The following LOXL4 variants were observed in gnomAD, a reference collection of about 807,000 sequenced individuals.
The protein encoded by LOXL4 is lysyl oxidase like 4.
Under a neutral mutation model 89.1 loss-of-function variants are expected in LOXL4, and 72 were observed. The observed-to-expected ratio is 0.81, with a 90% confidence interval of 0.67 to 0.98. LOXL4 has a LOEUF of 0.98. Among genes scored for constraint, LOXL4 ranks in the 50% least tolerant of loss-of-function variants. LOXL4 has a pLI of 0.00. For missense variants in LOXL4, 984 were observed against 1,017.5 expected, an observed-to-expected ratio of 0.97 and a Z score of 0.45; for synonymous variants, 355 against 392.1, an observed-to-expected ratio of 0.91 and a Z score of 1.12.
In LOXL4 at chr10:98,255,682, G is replaced by C. The variant is rs149982668; in HGVS notation, c.1486C>G (p.Arg496Gly). The change falls in exon 10 of 15, where the codon CGC becomes GGC. Residue 496 changes from arginine to glycine, a missense_variant. By Grantham distance (125) the Arg-to-Gly change is moderately radical. Coordinates refer to ENST00000260702, the MANE Select transcript of LOXL4 (RefSeq NM_032211.7). ...RAQEVVMSGVRCSGTELALQQ... is the reference protein window; with the variant it reads ...RAQEVVMSGVGCSGTELALQQ... ...AGGGCCAGCTCTGTGCCTGAGCAGC[G>C]CACCCCACTCATCACCACCTCCTGG... is the stretch of plus-strand genomic sequence containing the variant. 1.2e-6 allele frequency: 2 copies of C among 1,613,684 alleles called. No individual in the cohort carries two copies.
chr10:98,256,084 CCAGATCGT>C (rs77417871), intron 9 of LOXL4: 42,722 of 236,386 alleles, frequency 0.18, 4,229 homozygotes, highest in Non-Finnish European at 0.2. Flanking sequence ...CTCAAGCGGC[CCAGATCGT>C]CAGTTGTGCT....
At position 98,251,816 on chromosome 10, in the gene LOXL4, A is replaced by G. The variant is rs555699140; in HGVS notation, c.1952-114T>C. 3.1e-6 allele frequency: 4 copies of G among 1,292,742 alleles called. No individual in the cohort carries two copies. In the East Asian group the frequency reaches 7.2e-5, roughly 23 times the overall value. 80.1% of individuals were successfully genotyped at this position (1,292,742 alleles called of 1,614,324 possible). A position where few individuals can be genotyped will look rare whatever the true frequency, so the allele number is the denominator to read the frequency against. On this transcript the variant is annotated intron_variant, in intron 12 of 14. Transcript: ENST00000260702. ...CCCAGTTCACAGATTAAGGACCGTCAGAGCTAGAATCCTGCTGTGAATCCA... is the reference window on the plus strand; with the variant it reads ...CCCAGTTCACAGATTAAGGACCGTCGGAGCTAGAATCCTGCTGTGAATCCA...
intron 1 of LOXL4, among the ~76,000 whole-genome samples, chr10:98,263,750 G>A (rs1473300377): frequency 1.6e-4 from 18 of 112,050 alleles, no homozygotes; most frequent in South Asian, 5.3e-4. Context: ...TTTTTTTTTC[G>A]AGACAGAGTC....
At position 98,248,886 on chromosome 10, in the gene LOXL4, G is replaced by T. The variant is rs895979234; in HGVS notation, c.*35C>A. 1.3e-6 allele frequency: 2 copies of T among 1,577,924 alleles called. No homozygotes were observed. The highest frequency in any genetic ancestry group is 1.7e-6 in the Non-Finnish European group (2 of 1,150,300). On this transcript the variant is annotated 3_prime_UTR_variant, in exon 15 of 15. Coordinates refer to ENST00000260702, the MANE Select transcript of LOXL4 (RefSeq NM_032211.7). ...GCTCCAATAAGCTGAGGTATCTGGTGTATCGGCAGCAGCTAGGAGTGTGCA... is the reference window on the plus strand; with the variant it reads ...GCTCCAATAAGCTGAGGTATCTGGTTTATCGGCAGCAGCTAGGAGTGTGCA...
Position 98,257,718 on chromosome 10 carries a change from T to C in LOXL4, c.1192A>G (p.Asn398Asp). The change falls in exon 8 of 15, where the codon AAT becomes GAT. Residue 398 changes from asparagine (N) to aspartate (D), a missense_variant. Asn to Asp is a conservative substitution (Grantham distance 23). Transcript: ENST00000260702. ...GCATCATTCTCATGTTGGCAACCAT[T>C]CTGGGACCCTTCCAGGGCAGGGCAG... ...SDCPALEGSQ[N>D]GCQHENDAAV... The C allele has an allele frequency of 6.2e-7, 1 of 1,614,140 alleles. No homozygotes were observed. The highest frequency in any genetic ancestry group is 8.5e-7 in the Non-Finnish European group (1 of 1,180,004).
chr10:98,253,465 G>A (rs1479700140), intron 11 of LOXL4, 88 bp downstream of exon 11: 3 of 1,578,924 alleles, frequency 1.9e-6, no homozygotes, highest in Admixed American at 3.4e-5. Flanking sequence ...AGGAAAACTT[G>A]CCTGTGGCCA....
In LOXL4 at chr10:98,251,935, C is replaced by G. The variant is rs1590875266; in HGVS notation, c.1952-233G>C. On this transcript the variant is annotated intron_variant, in intron 12 of 14. Coordinates refer to ENST00000260702, the MANE Select transcript of LOXL4 (RefSeq NM_032211.7). Reference sequence around the variant, plus strand: ...AACTAGGAACTGTGGTTGGGAGATTCCAACGCTCCCGTGCTAATTTACTTG... The same window carrying G: ...AACTAGGAACTGTGGTTGGGAGATTGCAACGCTCCCGTGCTAATTTACTTG... The G allele has an allele frequency of 3.2e-5, 18 of 559,052 alleles. No individual in the cohort carries two copies. In the South Asian group the frequency reaches 4.3e-4, roughly 13 times the overall value. The allele number at this position is 559,052 out of a possible 1,614,324, so 34.6% of individuals were successfully genotyped here. A position where few individuals can be genotyped will look rare whatever the true frequency, so the allele number is the denominator to read the frequency against.
At chr10:98,254,752 G>C (rs978991681) in intron 10 of LOXL4, among the ~76,000 whole-genome samples, 1 of 152,192 alleles carries the variant, frequency 6.6e-6, no homozygotes, top group Non-Finnish European at 1.5e-5. Context: ...TGAGGAGCAG[G>C]CTCCCCACGT....
Position 98,248,904 on chromosome 10 carries a change from AGT to A in LOXL4, c.*15_*16del, listed in dbSNP as rs776437645. 2 of 1,607,348 alleles carry A rather than the reference AGT, an allele frequency of 1.2e-6. No homozygotes were observed. Among genetic ancestry groups the A allele is most frequent in the South Asian group, 2.2e-5 (2 of 90,038 alleles). On this transcript the variant is annotated 3_prime_UTR_variant, in exon 15 of 15. Transcript: ENST00000260702. ...ATCTGGTGTATCGGCAGCAGCTAGGAGTGTGCAGTGACAGCTTCAGATGAGGT... is the reference window on the plus strand; with the variant it reads ...ATCTGGTGTATCGGCAGCAGCTAGGAGTGCAGTGACAGCTTCAGATGAGGT...
chr10:98,258,559 C>T (rs1378817064), intron 6 of LOXL4, among the ~76,000 whole-genome samples: 3 of 151,884 alleles, frequency 2.0e-5, no homozygotes, highest in South Asian at 2.1e-4. Context: ...GGTGTCTGTA[C>T]CACCTCACGA....
chr10:98,249,080 C>T (rs367987255), intron 14 of LOXL4, 89 bp from the exon 15 acceptor site: 3 of 982,344 alleles, frequency 3.1e-6, no homozygotes, highest in Non-Finnish European at 4.8e-6. Context: ...CTGCCCAGCT[C>T]ATCCTTTATA....
chr10:98,260,977 C>A lies in LOXL4; in HGVS notation c.607G>T (p.Val203Leu). ...CTGGGGAAGCCCAGCATCCCGCACA[C>A]CACCCTGCTGTTGTTCATGGTCCAG... ...QGWTMNNSRV[V>L]CGMLGFPSEV... Residue 203 changes from valine (V) to leucine (L), a missense_variant, in exon 4 of 15, where the codon GTG becomes TTG. Coordinates refer to ENST00000260702, the MANE Select transcript of LOXL4 (RefSeq NM_032211.7). 2.5e-6 allele frequency: 4 copies of A among 1,613,958 alleles called. No homozygotes were observed. Among genetic ancestry groups the A allele is most frequent in the Non-Finnish European group, 3.4e-6 (4 of 1,180,020 alleles).
chr10:98,263,581 C>T (rs1041176443), intron 1 of LOXL4, among the ~76,000 whole-genome samples: 2 of 152,072 alleles, frequency 1.3e-5, no homozygotes, highest in African/African-American at 4.8e-5. Flanking sequence ...TGTGAAGTGC[C>T]GCCTTCACCT....
In LOXL4 at chr10:98,256,649, T is replaced by C. The variant is rs536433251; in HGVS notation, c.1428+131A>G. ...ACACTGTTCCCAGCACTCAGCATCATGTCGGCTCATAGTTTCACTCAGTAA... is the reference window on the plus strand; with the variant it reads ...ACACTGTTCCCAGCACTCAGCATCACGTCGGCTCATAGTTTCACTCAGTAA... On this transcript the variant is annotated intron_variant, in intron 9 of 14. Coordinates refer to ENST00000260702, the MANE Select transcript of LOXL4 (RefSeq NM_032211.7). The C allele has an allele frequency of 6.0e-6, 6 of 998,036 alleles. No homozygotes were observed. The African/African-American group carries it at 6.4e-5, about 11-fold the overall frequency. The allele number at this position is 998,036 out of a possible 1,614,324, so 61.8% of individuals were successfully genotyped here.
intron 11 of LOXL4, among the ~76,000 whole-genome samples, 190 bp downstream of exon 11, chr10:98,253,363 G>A (rs1015092876): frequency 3.9e-5 from 6 of 152,260 alleles, no homozygotes; most frequent in African/African-American, 1.4e-4. Flanking sequence ...CATTGACATA[G>A]TGAAGGCGAG....
rs568052533 is a variant in LOXL4 at position 98,263,187 on chromosome 10, C to T, written c.-32-136G>A. On this transcript the variant is annotated intron_variant, in intron 1 of 14. Transcript: ENST00000260702. ...GTGTGTGTGTGTGCACGCGCACACACACACACAGTGGCATTAATTGAGTCT... is the reference window on the plus strand; with the variant it reads ...GTGTGTGTGTGTGCACGCGCACACATACACACAGTGGCATTAATTGAGTCT... 11 of 624,662 alleles carry T rather than the reference C, an allele frequency of 1.8e-5. No homozygotes were observed. The African/African-American group carries it at 2.0e-4, about 11-fold the overall frequency. 38.7% of individuals were successfully genotyped at this position (624,662 alleles called of 1,614,324 possible).
chr10:98,266,311 T>A (rs188991470), intron 1 of LOXL4, among the ~76,000 whole-genome samples: 3 of 152,298 alleles, frequency 2.0e-5, no homozygotes, highest in African/African-American at 7.2e-5. Context: ...ATATTTTCCT[T>A]TCTCTGAGTC....
rs774397709 is a variant in LOXL4 at position 98,259,421 on chromosome 10, C to T, written c.671G>A (p.Trp224Ter). Reference protein sequence around the residue: ...PVDSHYYRKVWDLKMRDPKSR... With the variant: ...PVDSHYYRKV The stretch of plus-strand genomic sequence containing the variant: ...CTTAGGGTCCCTCATCTTCAGATCC[C>T]AGACTTTCCTGTTATGGGAGAAAAC... Residue 224 changes from tryptophan to a stop codon, truncating the protein, a stop_gained, in exon 5 of 15, where the codon TGG becomes TAG. Transcript: ENST00000260702. LOFTEE classifies it high-confidence loss of function. The T allele has an allele frequency of 3.1e-6, 5 of 1,613,244 alleles. No individual in the cohort carries two copies. Among genetic ancestry groups the T allele is most frequent in the Middle Eastern group, 1.7e-4 (1 of 5,798 alleles).
At position 98,263,014 on chromosome 10, in the gene LOXL4, C is replaced by T. The variant is rs201076968; in HGVS notation, c.6G>A (p.Ala2=). 56 of 1,612,800 alleles carry T rather than the reference C, an allele frequency of 3.5e-5. No homozygotes were observed. Among genetic ancestry groups the T allele is most frequent in the African/African-American group, 1.7e-4 (13 of 75,002 alleles). Residue 2 remains alanine, a synonymous_variant, in exon 2 of 15, where the codon GCG becomes GCA. Transcript: ENST00000260702. M[A]WSPPATLFLF... is the part of the protein sequence containing the mutation. ...GAAAGAGGGTGGCTGGTGGGGACCACGCCATGGTGACTTCAAGGACAGCTG... is the reference window on the plus strand; with the variant it reads ...GAAAGAGGGTGGCTGGTGGGGACCATGCCATGGTGACTTCAAGGACAGCTG...
Sources: allele counts gnomAD v4.1 joint callset (sites outside exome capture counted in the v4.1 genomes callset), GRCh38; gene constraint gnomAD v4.1.1; transcripts MANE v1.5; gene names NCBI Gene and HGNC (gene_info 2026-07-23, HGNC 2026-07-21).